Variants in OR51B5 observed in about 807,000 individuals in gnomAD.
The protein encoded by OR51B5 is olfactory receptor 51B5.
For synonymous variants in OR51B5, 186 were observed against 144.8 expected, an observed-to-expected ratio of 1.28 and a Z score of -2.04; for missense variants, 456 against 374.6, an observed-to-expected ratio of 1.22 and a Z score of -1.79.
intron 1 of OR51B5, among the ~76,000 whole-genome samples, chr11:5,386,541 G>C (rs189141789): frequency 6.6e-6 from 1 of 152,192 alleles, no homozygotes; most frequent in East Asian, 1.9e-4. Context: ...TATCACCACA[G>C]ATCTTTTACA....
upstream of OR51B5, among the ~76,000 whole-genome samples, chr11:5,344,133 G>A (rs192766492): frequency 1.1e-3 from 163 of 152,266 alleles, no homozygotes; most frequent in African/African-American, 3.8e-3. Context: ...CTAGTGATGG[G>A]GAACAGACAT....
intron 1 of OR51B5, among the ~76,000 whole-genome samples, chr11:5,416,186 T>A (rs1248303283): frequency 1.4e-5 from 2 of 147,576 alleles, no homozygotes; most frequent in East Asian, 4.0e-4. Flanking sequence ...CACATGATTA[T>A]CTCAATAGAT....
intron 1 of OR51B5, chr11:5,403,024 A>G: frequency 2.1e-6 from 1 of 471,574 alleles, no homozygotes; most frequent in South Asian, 1.5e-5. Flanking sequence ...GACACTGCCC[A>G]GGGTCTTTGG....
At chr11:5,402,824 C>T (rs1403634765) in intron 1 of OR51B5, 1 of 471,538 alleles carries the variant, frequency 2.1e-6, no homozygotes, top group Non-Finnish European at 4.4e-6. Context: ...AGGTTCGTGT[C>T]TCTGCATCCA....
chr11:5,343,024 A>G, exon 1 of OR51B5: 1 of 1,613,950 alleles, frequency 6.2e-7, no homozygotes, highest in Non-Finnish European at 8.5e-7. Flanking sequence ...CATGGGAGTG[A>G]CAATACAGAA....
At chr11:5,413,046 A>G (rs1468030952) in intron 1 of OR51B5, among the ~76,000 whole-genome samples, 1 of 148,758 alleles carries the variant, frequency 6.7e-6, no homozygotes, top group African/African-American at 2.5e-5. Context: ...CCAGTAGGGC[A>G]GACTGACACC....
intron 1 of OR51B5, among the ~76,000 whole-genome samples, chr11:5,379,367 G>A (rs36077313): frequency 0.24 from 35,896 of 151,656 alleles, 4,482 homozygotes; most frequent in Non-Finnish European, 0.26. Flanking sequence ...GCTAAATTAC[G>A]AGTTAATGGG....
chr11:5,486,373 T>C (rs1471237603), intron 1 of OR51B5, among the ~76,000 whole-genome samples: 3 of 151,928 alleles, frequency 2.0e-5, no homozygotes, highest in African/African-American at 4.8e-5. Flanking sequence ...TGATTGTTCA[T>C]TGCTGTTACC....
chr11:5,417,942 G>T (rs868761290), intron 1 of OR51B5, among the ~76,000 whole-genome samples: 1 of 144,516 alleles, frequency 6.9e-6, no homozygotes, highest in African/African-American at 2.5e-5. Flanking sequence ...AAATCATGCT[G>T]CTATAAAGAC....
intron 1 of OR51B5, among the ~76,000 whole-genome samples, chr11:5,458,887 T>A (rs978039885): frequency 6.6e-6 from 1 of 152,230 alleles, no homozygotes; most frequent in African/African-American, 2.4e-5. Flanking sequence ...TATAGAAACA[T>A]GTCATTTGAA....
chr11:5,462,164 C>T (rs1281066434), intron 1 of OR51B5, among the ~76,000 whole-genome samples: 1 of 152,152 alleles, frequency 6.6e-6, no homozygotes, highest in Non-Finnish European at 1.5e-5. Context: ...TGTTTCTCGT[C>T]CTCCAGGGCC....
intron 1 of OR51B5, among the ~76,000 whole-genome samples, chr11:5,365,933 G>T (rs981595314): frequency 6.6e-6 from 1 of 152,134 alleles, no homozygotes; most frequent in Non-Finnish European, 1.5e-5. Flanking sequence ...AGGCATGAAG[G>T]GGGCAGGCTC....
chr11:5,415,798 GAA>G (rs1225313151), intron 1 of OR51B5, among the ~76,000 whole-genome samples: 1 of 152,128 alleles, frequency 6.6e-6, no homozygotes, highest in Admixed American at 6.6e-5. Context: ...ATTACCAACT[GAA>G]AAGAGTCCAG....
intron 1 of OR51B5, chr11:5,422,035 G>GAT (rs1194807637): frequency 1.7e-6 from 1 of 604,498 alleles, no homozygotes; most frequent in Non-Finnish European, 2.9e-6. Flanking sequence ...CTAAGGAAAG[G>GAT]ATATCATATA....
chr11:5,395,491 T>A (rs751999269), intron 1 of OR51B5, among the ~76,000 whole-genome samples: 1 of 152,208 alleles, frequency 6.6e-6, no homozygotes, highest in Non-Finnish European at 1.5e-5. Flanking sequence ...TGCTGTTCTA[T>A]CATATCTCCC....
intron 1 of OR51B5, chr11:5,441,081 GC>G: frequency 6.2e-7 from 1 of 1,614,004 alleles, no homozygotes; most frequent in Non-Finnish European, 8.5e-7. Context: ...CAGACCCATA[GC>G]CAATATACGG....
chr11:5,389,109 G>A (rs7935524), intron 1 of OR51B5, among the ~76,000 whole-genome samples: 119,244 of 151,710 alleles, frequency 0.79, 47,238 homozygotes, highest in Middle Eastern at 0.84. Context: ...ATATGGCCAG[G>A]AAATTGCCAA....
At chr11:5,359,807 T>C (rs1368376534) in intron 1 of OR51B5, among the ~76,000 whole-genome samples, 1 of 151,550 alleles carries the variant, frequency 6.6e-6, no homozygotes, top group African/African-American at 2.4e-5. Flanking sequence ...TATAGACCAA[T>C]GGAACAGAAC....
At chr11:5,426,015 CAAT>C in intron 1 of OR51B5, among the ~76,000 whole-genome samples, 1 of 152,224 alleles carries the variant, frequency 6.6e-6, no homozygotes, top group African/African-American at 2.4e-5. Flanking sequence ...CCACACAATG[CAAT>C]ATTATTTGGC....
Sources: gnomAD v4.1 joint callset for allele counts (sites outside exome capture counted in the v4.1 genomes callset) on GRCh38, gnomAD v4.1.1 for gene constraint, MANE v1.5 for transcripts, NCBI Gene and HGNC (gene_info 2026-07-23, HGNC 2026-07-21) for gene names.